The following TRAPPC6A variants were observed in gnomAD, a reference collection of about 807,000 sequenced individuals.
TRAPPC6A encodes TRAPP complex subunit 6A.
A neutral mutation model predicts 20.8 loss-of-function variants in TRAPPC6A; 25 were observed. The observed-to-expected ratio is 1.20, with a 90% CI of 0.88 to 1.68. The LOEUF (loss-of-function observed/expected upper bound fraction) is 1.68, where lower values mean the gene tolerates loss of function less well. TRAPPC6A is among the 40% of genes most tolerant of loss of function. The pLI, the probability that TRAPPC6A is intolerant of heterozygous loss-of-function variation, is 0.00. For missense variants in TRAPPC6A, 215 were observed against 211.6 expected, an observed-to-expected ratio of 1.02 and a Z score of -0.10; for synonymous variants, 96 against 93.3, an observed-to-expected ratio of 1.03 and a Z score of -0.16.
Position 45,173,732 on chromosome 19 carries a change from T to A in TRAPPC6A, c.84+4403A>T, listed in dbSNP as rs34331532. ...GGTGGGGCCAATAAAGAGAAAGGAC[T>A]GAGGAAGCCGTTTCTCATGACAGGC... On this transcript the variant is annotated intron_variant, in intron 1 of 5. Coordinates refer to ENST00000585934, the MANE Select transcript of TRAPPC6A (RefSeq NM_001270891.2). The surrounding 1 kb of genome is among the most constrained non-coding windows in gnomAD (Gnocchi z 4.8). Among the ~76,000 whole-genome samples the A allele has an allele frequency of 0.03, 4,550 of 152,258 alleles. 233 individuals are homozygous for A. Among genetic ancestry groups the A allele is most frequent in the African/African-American group, 0.1 (4,297 of 41,532 alleles).
In TRAPPC6A at chr19:45,171,075, GAGGATCAC is replaced by G. The variant is rs371198470; in HGVS notation, c.85-5889_85-5882del. On this transcript the variant is annotated intron_variant, in intron 1 of 5. Transcript: ENST00000585934. The stretch of plus-strand genomic sequence containing the variant: ...CCAGCACTTTGGGAAGCCAAGGCGG[GAGGATCAC>G]TTGAGGTTAGGAGTTTGAGACCAGC... Among the ~76,000 whole-genome samples, 228 of 152,358 alleles carry G rather than the reference GAGGATCAC, an allele frequency of 1.5e-3. 1 individual carries two copies. Among genetic ancestry groups the G allele is most frequent in the African/African-American group, 5.3e-3 (221 of 41,586 alleles).
chr19:45,174,848 TG>T (rs1157247894), intron 1 of TRAPPC6A, among the ~76,000 whole-genome samples: 2 of 151,108 alleles, frequency 1.3e-5, no homozygotes, highest in East Asian at 3.9e-4. Context: ...CAGCCGGGCG[TG>T]GTGGCTCACG....
intron 1 of TRAPPC6A, 25 bp from the exon 2 acceptor site, chr19:45,165,219 CA>C: frequency 1.3e-6 from 2 of 1,576,968 alleles, no homozygotes; most frequent in South Asian, 2.3e-5. Flanking sequence ...GAGAGATGCT[CA>C]GGGGCCCTTA....
Position 45,173,016 on chromosome 19 carries a change from G to T in TRAPPC6A, c.84+5119C>A, listed in dbSNP as rs1043547518. Among the ~76,000 whole-genome samples, 11 of 151,376 alleles carry T rather than the reference G, an allele frequency of 7.3e-5. No homozygotes were observed. Among genetic ancestry groups the T allele is most frequent in the African/African-American group, 2.2e-4 (9 of 40,750 alleles). The stretch of plus-strand genomic sequence containing the variant: ...CGCCCCACACCCTCCTCAGATAAGG[G>T]GCTGCCCAAGTGCACTCTCGGGGTG... On this transcript the variant is annotated intron_variant, in intron 1 of 5. Coordinates refer to ENST00000585934, the MANE Select transcript of TRAPPC6A (RefSeq NM_001270891.2). This position sits in a 1 kb window ranked among gnomAD's most constrained non-coding sequence, Gnocchi z 4.8.
In TRAPPC6A at chr19:45,164,094, C is replaced by A. The variant is rs200309570; in HGVS notation, c.354+70G>T. On this transcript the variant is annotated intron_variant, in intron 4 of 5. Transcript: ENST00000585934. ...GGCACCCCTTAGGCCTGGGGAAAGG[C>A]CTGATGTGGGATGGGGCTGGGTAAA... 4.8e-5 allele frequency: 75 copies of A among 1,553,534 alleles called. No individual in the cohort carries two copies. In the East Asian group the frequency reaches 1.5e-3, roughly 31 times the overall value.
At chr19:45,168,320 A>C (rs1272811568) in intron 1 of TRAPPC6A, among the ~76,000 whole-genome samples, 1 of 152,202 alleles carries the variant, frequency 6.6e-6, no homozygotes, top group Non-Finnish European at 1.5e-5. Flanking sequence ...TGTCTTAAAA[A>C]ATAAATAAAA....
intron 1 of TRAPPC6A, among the ~76,000 whole-genome samples, chr19:45,177,842 G>A (rs1364787111): frequency 1.3e-5 from 2 of 152,192 alleles, no homozygotes; most frequent in Admixed American, 6.5e-5. Flanking sequence ...CTAGTAAGTG[G>A]GGGAGGCGAG....
intron 1 of TRAPPC6A, among the ~76,000 whole-genome samples, chr19:45,169,258 T>C (rs1394527487): frequency 2.0e-5 from 3 of 152,220 alleles, no homozygotes; most frequent in Admixed American, 6.5e-5. Flanking sequence ...GGCCAATGGC[T>C]GAATACCTGT....
intron 1 of TRAPPC6A, among the ~76,000 whole-genome samples, chr19:45,166,688 G>C (rs1423142485): frequency 6.6e-6 from 1 of 152,040 alleles, no homozygotes; most frequent in Non-Finnish European, 1.5e-5. Flanking sequence ...GTGCAGCCCT[G>C]AGCTGAAGGA....
intron 1 of TRAPPC6A, among the ~76,000 whole-genome samples, chr19:45,174,886 C>G (rs1038396229): frequency 6.7e-6 from 1 of 148,452 alleles, no homozygotes; most frequent in African/African-American, 2.5e-5. Flanking sequence ...TTTGGGAGGC[C>G]GAGGTGGGCA....
intron 1 of TRAPPC6A, among the ~76,000 whole-genome samples, chr19:45,168,239 G>A (rs1371214818): frequency 2.6e-5 from 4 of 151,974 alleles, no homozygotes; most frequent in South Asian, 2.1e-4. Context: ...TCCTGACCTC[G>A]TGATTCACCC....
intron 1 of TRAPPC6A, 140 bp downstream of exon 1, chr19:45,177,995 G>C (rs1969429537): frequency 4.1e-6 from 6 of 1,470,708 alleles, no homozygotes; most frequent in Non-Finnish European, 9.0e-7. Flanking sequence ...ACTTTCCAAA[G>C]GAGGAAGCCA....
intron 1 of TRAPPC6A, among the ~76,000 whole-genome samples, chr19:45,177,266 G>C (rs1320716245): frequency 6.6e-6 from 1 of 152,100 alleles, no homozygotes; most frequent in Admixed American, 6.5e-5. Context: ...CTAGCACTTT[G>C]GGAGGCCCAG....
intron 1 of TRAPPC6A, among the ~76,000 whole-genome samples, chr19:45,176,541 C>T (rs1003617438): frequency 6.6e-6 from 1 of 152,182 alleles, no homozygotes; most frequent in African/African-American, 2.4e-5. Flanking sequence ...TAGTCTTGAA[C>T]GGTGGGCCTC....
In TRAPPC6A at chr19:45,174,646, T is replaced by C. The variant is rs117213480; in HGVS notation, c.84+3489A>G. On this transcript the variant is annotated intron_variant, in intron 1 of 5. Transcript: ENST00000585934. ...GAGTTCAAGGTCAGCCTGGGCAACA[T>C]TGTGAAAACCTATCTCTACAAAAAA... Among the ~76,000 whole-genome samples the C allele has an allele frequency of 6.2e-3, 939 of 151,648 alleles. 21 individuals carry two copies. Among genetic ancestry groups the C allele is most frequent in the East Asian group, 0.038 (196 of 5,104 alleles).
At position 45,163,926 on chromosome 19, in the gene TRAPPC6A, G is replaced by A; in HGVS notation, c.438C>T (p.Ala146=). 1 of 1,578,226 alleles carries A rather than the reference G, an allele frequency of 6.3e-7. No homozygotes were observed. Among genetic ancestry groups the A allele is most frequent in the Non-Finnish European group, 8.6e-7 (1 of 1,162,294 alleles). Residue 146 remains alanine (A), a synonymous_variant, in exon 5 of 6, where the codon GCC becomes GCT. Transcript: ENST00000585934. This position sits in a 1 kb window ranked among gnomAD's most constrained non-coding sequence, Gnocchi z 5.3. ...IESVVTASVA[A]LPVCKFQVVI... ...CCCCCCATGACTCACAGACGGGCAG[G>A]GCTGCCACGGAGGCGGTGACCACGC...
At chr19:45,167,965 T>C (rs1403274757) in intron 1 of TRAPPC6A, among the ~76,000 whole-genome samples, 1 of 150,752 alleles carries the variant, frequency 6.6e-6, no homozygotes, top group African/African-American at 2.4e-5. Context: ...GCCACTGTAC[T>C]GCAGCCCAGG....
intron 1 of TRAPPC6A, among the ~76,000 whole-genome samples, chr19:45,177,749 G>C (rs967815715): frequency 1.3e-5 from 2 of 152,158 alleles, no homozygotes; most frequent in African/African-American, 4.8e-5. Context: ...AATGTCCCAC[G>C]CTGAGGCTTA....
In TRAPPC6A at chr19:45,163,221, T is replaced by TA; in HGVS notation, c.450dup (p.Lys151Ter). ...GATTTCGGAATCACCACCTGGAACT[T>TA]ACCTGGAAGAGAAGGCCTGGCTTAG... is the stretch of plus-strand genomic sequence containing the variant. On this transcript the variant is annotated frameshift_variant and splice_region_variant, in exon 6 of 6. Coordinates refer to ENST00000585934, the MANE Select transcript of TRAPPC6A (RefSeq NM_001270891.2). LOFTEE classifies it high-confidence loss of function. This position sits in a 1 kb window ranked among gnomAD's most constrained non-coding sequence, Gnocchi z 5.3. The TA allele has an allele frequency of 6.2e-7, 1 of 1,613,750 alleles. No homozygotes were observed. Among genetic ancestry groups the TA allele is most frequent in the Non-Finnish European group, 8.5e-7 (1 of 1,179,822 alleles).
Sources: allele counts gnomAD v4.1 joint callset (sites outside exome capture counted in the v4.1 genomes callset), GRCh38; gene constraint gnomAD v4.1.1; non-coding constraint Gnocchi (gnomAD v3.1); transcripts MANE v1.5; gene names NCBI Gene and HGNC (gene_info 2026-07-23, HGNC 2026-07-21).